Variants in PKD2 observed in about 807,000 individuals in gnomAD.
PKD2 encodes polycystin-2.
PKD2 carries 48 observed loss-of-function variants against 105.9 expected under a neutral mutation model. The ratio of observed to expected loss-of-function variants is 0.45; its 90% CI spans 0.36 to 0.58. PKD2 has a LOEUF of 0.58. PKD2 is among the 20% of genes least tolerant of loss of function. PKD2 has a pLI of 0.00. For synonymous variants in PKD2, 464 were observed against 481.1 expected, an observed-to-expected ratio of 0.96 and a Z score of 0.46; for missense variants, 1,078 against 1,255.3, an observed-to-expected ratio of 0.86 and a Z score of 2.13.
chr4:88,019,820 A>G lies in PKD2; in HGVS notation c.709+249A>G, dbSNP rs114488845. 6.0e-3 allele frequency among the ~76,000 whole-genome samples: 907 copies of G among 152,350 alleles called. 12 individuals are homozygous for G. Among genetic ancestry groups the G allele is most frequent in the African/African-American group, 0.02 (851 of 41,588 alleles). On this transcript the variant is annotated intron_variant, in intron 2 of 14. Coordinates refer to ENST00000237596, the MANE Select transcript of PKD2 (RefSeq NM_000297.4). ...CTGTACCCCCATTTCCCAAAACTGC[A>G]GATGGCAACAGAAGGCTCTGAAAAA...
chr4:88,011,972 G>A (rs906447951), intron 1 of PKD2, among the ~76,000 whole-genome samples: 6 of 151,728 alleles, frequency 4.0e-5, no homozygotes, highest in Non-Finnish European at 5.9e-5. Context: ...TGTCATACCT[G>A]GGGGGATGCC....
chr4:88,063,456 A>G (rs1322578916), intron 10 of PKD2, among the ~76,000 whole-genome samples: 1 of 151,768 alleles, frequency 6.6e-6, no homozygotes, highest in Admixed American at 6.6e-5. Flanking sequence ...GCTTGCACCT[A>G]GGAGGCGGAG....
At chr4:88,029,027 TG>T (rs1361065891) in intron 2 of PKD2, among the ~76,000 whole-genome samples, 1 of 152,234 alleles carries the variant, frequency 6.6e-6, no homozygotes, top group Non-Finnish European at 1.5e-5. Context: ...TTAAAAGATT[TG>T]GGGGTTTTAG....
intron 12 of PKD2, 92 bp downstream of exon 12, chr4:88,065,971 C>T (rs1296199343): frequency 2.5e-6 from 2 of 799,264 alleles, no homozygotes; most frequent in Non-Finnish European, 4.5e-6. Flanking sequence ...TATTGAGTCT[C>T]TTGCCCATTC....
At chr4:88,020,485 G>T (rs1301052188) in intron 2 of PKD2, among the ~76,000 whole-genome samples, 3 of 152,024 alleles carry the variant, frequency 2.0e-5, no homozygotes, top group South Asian at 2.1e-4. Flanking sequence ...GGGGAGGGAT[G>T]CCTGAGCGAG....
intron 4 of PKD2, among the ~76,000 whole-genome samples, chr4:88,039,104 T>C (rs1292874493): frequency 6.6e-6 from 1 of 152,200 alleles, no homozygotes; most frequent in Non-Finnish European, 1.5e-5. Flanking sequence ...ATTGTAGTTA[T>C]TATAAAGAAA....
rs1435846135 is a variant in PKD2 at position 88,036,183 on chromosome 4, C to G, written c.710-37C>G. On this transcript the variant is annotated intron_variant, in intron 2 of 14. Coordinates refer to ENST00000237596, the MANE Select transcript of PKD2 (RefSeq NM_000297.4). Reference sequence around the variant, plus strand: ...GCTGGTATGTGAATGTGTGCCGGTTCCCTTGGGGCGTTCATTTGGATCTTT... The same window carrying G: ...GCTGGTATGTGAATGTGTGCCGGTTGCCTTGGGGCGTTCATTTGGATCTTT... The G allele has an allele frequency of 1.9e-6, 3 of 1,613,530 alleles. No homozygotes were observed. The African/African-American group carries it at 4.0e-5, about 22-fold the overall frequency.
At chr4:88,037,123 C>T (rs1476713493) in intron 3 of PKD2, among the ~76,000 whole-genome samples, 1 of 152,120 alleles carries the variant, frequency 6.6e-6, no homozygotes, top group East Asian at 1.9e-4. Context: ...CCCAGCTACT[C>T]AGGAGGCTGA....
chr4:88,046,487 A>G (rs1450735905), intron 5 of PKD2, among the ~76,000 whole-genome samples, 155 bp from the exon 6 acceptor site: 1 of 152,244 alleles, frequency 6.6e-6, no homozygotes, highest in African/African-American at 2.4e-5. Flanking sequence ...TGGAATTATT[A>G]GCTATGATAA....
Position 88,076,026 on chromosome 4 carries a change from A to C in PKD2, c.*332A>C. ...AGCCTTTTAAAGCTAGAAAACTGTC[A>C]AAGGGCTTCTGAGTTTCATTTCCAG... On this transcript the variant is annotated 3_prime_UTR_variant, in exon 15 of 15. Transcript: ENST00000237596. 1 of 283,758 alleles carries C rather than the reference A, an allele frequency of 3.5e-6. No homozygotes were observed. The highest frequency in any genetic ancestry group is 4.2e-5 in the South Asian group (1 of 23,856). The allele number at this position is 283,758 out of a possible 1,614,324, so 17.6% of individuals were successfully genotyped here.
intron 4 of PKD2, among the ~76,000 whole-genome samples, chr4:88,039,287 C>A (rs1727463225): frequency 6.6e-6 from 1 of 152,124 alleles, no homozygotes; most frequent in Non-Finnish European, 1.5e-5. Context: ...ATACAATGGG[C>A]AATCACCTTT....
intron 2 of PKD2, among the ~76,000 whole-genome samples, chr4:88,032,703 A>G (rs1727206257): frequency 6.6e-6 from 1 of 152,186 alleles, no homozygotes; most frequent in Non-Finnish European, 1.5e-5. Context: ...CTACCTTCCA[A>G]GTGGGCTTTC....
At chr4:88,070,599 T>TAGAGAGAGAGAGAG (rs1267235364) in intron 13 of PKD2, among the ~76,000 whole-genome samples, 3 of 98,290 alleles carry the variant, frequency 3.1e-5, no homozygotes, top group South Asian at 3.5e-4. Context: ...TATATATATA[T>TAGAGAGAGAGAGAG]ATAGAGAGAG....
chr4:88,022,980 C>A (rs1726814658), intron 2 of PKD2, among the ~76,000 whole-genome samples: 1 of 152,042 alleles, frequency 6.6e-6, no homozygotes, highest in South Asian at 2.1e-4. Context: ...ACCCAGGAGG[C>A]TGAGGTGGGA....
intron 1 of PKD2, among the ~76,000 whole-genome samples, chr4:88,008,871 G>A (rs1386685043): frequency 6.6e-6 from 1 of 152,156 alleles, no homozygotes; most frequent in Non-Finnish European, 1.5e-5. Flanking sequence ...TTTTGGTGAT[G>A]TGTGTGGTTG....
chr4:88,066,426 A>G (rs1720800849), intron 12 of PKD2, among the ~76,000 whole-genome samples: 1 of 151,352 alleles, frequency 6.6e-6, no homozygotes, highest in Non-Finnish European at 1.5e-5. Context: ...CAGTGGCACA[A>G]TCGCGACTCA....
At chr4:88,053,756 C>T (rs1720203100) in intron 7 of PKD2, among the ~76,000 whole-genome samples, 2 of 151,810 alleles carry the variant, frequency 1.3e-5, no homozygotes, top group South Asian at 4.1e-4. Flanking sequence ...AGCACAAAAC[C>T]TTGATCATAA....
intron 13 of PKD2, among the ~76,000 whole-genome samples, chr4:88,073,609 G>T (rs1721121010): frequency 6.6e-6 from 1 of 152,136 alleles, no homozygotes; most frequent in Non-Finnish European, 1.5e-5. Flanking sequence ...CCCTAGACTG[G>T]AAGTTGGGGG....
intron 6 of PKD2, among the ~76,000 whole-genome samples, chr4:88,051,169 AG>A (rs1302586360): frequency 6.6e-6 from 1 of 152,104 alleles, no homozygotes; most frequent in East Asian, 1.9e-4. Flanking sequence ...GGAAAGTTGT[AG>A]GGTCATGAGT....
Sources: gnomAD v4.1 joint callset for allele counts (sites outside exome capture counted in the v4.1 genomes callset) on GRCh38, gnomAD v4.1.1 for gene constraint, MANE v1.5 for transcripts, NCBI Gene and HGNC (gene_info 2026-07-23, HGNC 2026-07-21) for gene names.